CCNB1IP1: variants seen among roughly 807,000 people sequenced by gnomAD.
The protein encoded by CCNB1IP1 is E3 ubiquitin-protein ligase CCNB1IP1.
Under a neutral mutation model 25.6 loss-of-function variants are expected in CCNB1IP1, and 14 were observed. The ratio of observed to expected loss-of-function variants is 0.55; its 90% CI spans 0.36 to 0.85. The LOEUF (loss-of-function observed/expected upper bound fraction) is 0.85, where lower values mean the gene tolerates loss of function less well. CCNB1IP1 is among the 40% of genes least tolerant of loss of function. The probability of loss-of-function intolerance (pLI) is 0.01; values close to 1 mark genes in which losing one functional copy is unlikely to be tolerated. For synonymous variants in CCNB1IP1, 119 were observed against 116.1 expected (o/e 1.02, Z -0.16); for missense variants, 278 against 342.4 (o/e 0.81, Z 1.48).
rs201021712 is a variant in CCNB1IP1, at chr14:20,320,191, AAT to A, written c.-37-3633_-37-3632del. On this transcript the variant is annotated intron_variant, in intron 4 of 6. Coordinates refer to ENST00000358932, the MANE Select transcript of CCNB1IP1 (RefSeq NM_021178.5). Reference sequence around the variant, plus strand: ...TCCTTTTTGTACTTATGTCTACTCCAATATCATACTCTTGTTTTCAATAATTC... The same window carrying A: ...TCCTTTTTGTACTTATGTCTACTCCAATCATACTCTTGTTTTCAATAATTC... 2.8e-3 allele frequency: 1,062 copies of A among 385,180 alleles called. 10 individuals are homozygous for A. The highest frequency in any genetic ancestry group is 0.019 in the African/African-American group (903 of 47,452). 23.9% of individuals were successfully genotyped at this position (385,180 alleles called of 1,614,324 possible).
rs1053834749 is a variant in CCNB1IP1 at position 20,311,377 on chromosome 14, A to T, written c.*173T>A. ...GAACATAGAAACAGTCTGTAAAGTT[A>T]GCTAAATTATCTTTATTTTTTTTTA... On this transcript the variant is annotated 3_prime_UTR_variant, in exon 7 of 7. Transcript: ENST00000358932. 2.1e-6 allele frequency: 1 copy of T among 480,372 alleles called. No homozygotes were observed. Among genetic ancestry groups the T allele is most frequent in the Non-Finnish European group, 3.7e-6 (1 of 268,470 alleles). 29.8% of individuals were successfully genotyped at this position (480,372 alleles called of 1,614,324 possible). A position where few individuals can be genotyped will look rare whatever the true frequency, so the allele number is the denominator to read the frequency against.
chr14:20,315,002 A>AATGGCGTG (rs559946153), intron 5 of CCNB1IP1, among the ~76,000 whole-genome samples: 4 of 149,518 alleles, frequency 2.7e-5, no homozygotes, highest in Middle Eastern at 3.4e-3. Context: ...GAGGCAGGAG[A>AATGGCGTG]ATGGCGTGAA....
At chr14:20,315,767 C>A in intron 5 of CCNB1IP1, 3 of 1,244,254 alleles carry the variant, frequency 2.4e-6, no homozygotes, top group South Asian at 2.7e-5. Flanking sequence ...AAATATTTAA[C>A]AAGATATTCA....
At chr14:20,324,243 G>A (rs563897041) in intron 4 of CCNB1IP1, among the ~76,000 whole-genome samples, 13 of 152,308 alleles carry the variant, frequency 8.5e-5, no homozygotes, top group African/African-American at 3.1e-4. Context: ...CTGGAGTGCA[G>A]TGGTGCGATC....
At chr14:20,320,804 CAAAAAAA>C (rs11292210) in intron 4 of CCNB1IP1, among the ~76,000 whole-genome samples, 1 of 99,718 alleles carries the variant, frequency 1.0e-5, no homozygotes, top group Non-Finnish European at 2.1e-5. Context: ...GACTCCGTCT[CAAAAAAA>C]AAAAAAAAAA....
Position 20,322,875 on chromosome 14 carries a change from A to G in CCNB1IP1, c.-38+2664T>C, listed in dbSNP as rs143465439. ...TGACCTCAGGTGATCCGCCCACCTC[A>G]GCCTCCTAAAGTGCTGGGATTATAG... is the stretch of plus-strand genomic sequence containing the variant. On this transcript the variant is annotated intron_variant, in intron 4 of 6. Coordinates refer to ENST00000358932, the MANE Select transcript of CCNB1IP1 (RefSeq NM_021178.5). Among the ~76,000 whole-genome samples the G allele has an allele frequency of 1.4e-3, 218 of 152,150 alleles. 1 individual carries two copies. The highest frequency in any genetic ancestry group is 5.0e-3 in the African/African-American group (206 of 41,522).
chr14:20,316,113 G>A (rs1882685474), intron 5 of CCNB1IP1, 114 bp downstream of exon 5: 2 of 893,132 alleles, frequency 2.2e-6, no homozygotes, highest in Non-Finnish European at 3.3e-6. Flanking sequence ...TTAATAAAAA[G>A]AGTTTCTCAT....
rs1882471964 is a variant in CCNB1IP1, at chr14:20,311,391, TA to T, written c.*158del. On this transcript the variant is annotated 3_prime_UTR_variant, in exon 7 of 7. Coordinates refer to ENST00000358932, the MANE Select transcript of CCNB1IP1 (RefSeq NM_021178.5). ...TCTGTAAAGTTAGCTAAATTATCTT[TA>T]TTTTTTTTTAGAAACAGGGTCTCAC... 2 of 536,354 alleles carry T rather than the reference TA, an allele frequency of 3.7e-6. No homozygotes were observed. Among genetic ancestry groups the T allele is most frequent in the Non-Finnish European group, 3.3e-6 (1 of 301,598 alleles). The allele number at this position is 536,354 out of a possible 1,614,324, so 33.2% of individuals were successfully genotyped here. A position where few individuals can be genotyped will look rare whatever the true frequency, so the allele number is the denominator to read the frequency against.
At chr14:20,320,429 A>C (rs1882853936) in intron 4 of CCNB1IP1, 1 of 403,630 alleles carries the variant, frequency 2.5e-6, no homozygotes, top group Admixed American at 3.0e-5. Context: ...TACAATATGC[A>C]TCAAAATATT....
chr14:20,312,070 G>C (rs185168902), intron 6 of CCNB1IP1, among the ~76,000 whole-genome samples: 12 of 152,118 alleles, frequency 7.9e-5, no homozygotes, highest in Admixed American at 7.2e-4. Context: ...ACCCTTCCTT[G>C]GCTTTTACAG....
intron 4 of CCNB1IP1, among the ~76,000 whole-genome samples, chr14:20,317,034 G>C (rs1032487197): frequency 6.6e-6 from 1 of 152,032 alleles, no homozygotes; most frequent in South Asian, 2.1e-4. Flanking sequence ...ACTTGAATCC[G>C]GGAGGCAGAG....
chr14:20,313,326 A>T (rs1415869797), intron 6 of CCNB1IP1, 142 bp downstream of exon 6: 1 of 570,146 alleles, frequency 1.8e-6, no homozygotes, highest in African/African-American at 1.8e-5. Flanking sequence ...ACAGGTTGAA[A>T]CATGGGTGAA....
At chr14:20,323,365 T>C (rs909845528) in intron 4 of CCNB1IP1, 2 of 152,044 alleles carry the variant, frequency 1.3e-5, no homozygotes, top group African/African-American at 2.4e-5. Flanking sequence ...GAAACGTTTA[T>C]AAAAAATAAA....
intron 4 of CCNB1IP1, among the ~76,000 whole-genome samples, chr14:20,324,464 G>T (rs1037628088): frequency 9.2e-5 from 14 of 152,148 alleles, no homozygotes; most frequent in African/African-American, 3.4e-4. Context: ...GGGTTTACAG[G>T]CATGAGCCAC....
At chr14:20,313,085 GATA>G (rs1006971784) in intron 6 of CCNB1IP1, among the ~76,000 whole-genome samples, 4 of 152,006 alleles carry the variant, frequency 2.6e-5, no homozygotes, top group Non-Finnish European at 5.9e-5. Flanking sequence ...ATAAAAGAAG[GATA>G]ATAATACTTA....
At chr14:20,324,774 A>T (rs1002665712) in intron 4 of CCNB1IP1, among the ~76,000 whole-genome samples, 1 of 152,082 alleles carries the variant, frequency 6.6e-6, no homozygotes, top group African/African-American at 2.4e-5. Flanking sequence ...ACTCAGTCTG[A>T]CTCCAGAACC....
Position 20,311,546 on chromosome 14 carries a change from T to C in CCNB1IP1, c.*4A>G. 1.9e-6 allele frequency: 3 copies of C among 1,611,774 alleles called. No homozygotes were observed. Among genetic ancestry groups the C allele is most frequent in the Non-Finnish European group, 2.5e-6 (3 of 1,179,158 alleles). On this transcript the variant is annotated 3_prime_UTR_variant, in exon 7 of 7. Coordinates refer to ENST00000358932, the MANE Select transcript of CCNB1IP1 (RefSeq NM_021178.5). Reference sequence around the variant, plus strand: ...GATCACAGGTGCGTGACACTATGCGTGGCTCAAATTCTTTTTACTTTGAAG... The same window carrying C: ...GATCACAGGTGCGTGACACTATGCGCGGCTCAAATTCTTTTTACTTTGAAG...
chr14:20,321,398 T>G (rs1190505321), intron 4 of CCNB1IP1, among the ~76,000 whole-genome samples: 2 of 152,234 alleles, frequency 1.3e-5, no homozygotes, highest in African/African-American at 4.8e-5. Context: ...TTTACTGTTT[T>G]TAGACAAACT....
chr14:20,330,125 A>AAAAAC (rs1345596226), intron 1 of CCNB1IP1, among the ~76,000 whole-genome samples: 1 of 150,828 alleles, frequency 6.6e-6, no homozygotes, highest in African/African-American at 2.5e-5. Flanking sequence ...AAAACAAAAA[A>AAAAAC]CATGTCCTTT....
Sources: gnomAD v4.1 joint callset for allele counts (sites outside exome capture counted in the v4.1 genomes callset) on GRCh38, gnomAD v4.1.1 for gene constraint, MANE v1.5 for transcripts, NCBI Gene and HGNC (gene_info 2026-07-23, HGNC 2026-07-21) for gene names.